SEC23IP: variants seen among roughly 807,000 people sequenced by gnomAD.
SEC23IP encodes the protein SEC23-interacting protein.
SEC23IP carries 70 observed loss-of-function variants against 113.4 expected under a neutral mutation model. The observed-to-expected ratio is 0.62, with a 90% CI of 0.51 to 0.75. SEC23IP has a LOEUF of 0.75. Among genes scored for constraint, SEC23IP ranks in the 30% least tolerant of loss-of-function variants. SEC23IP has a pLI of 0.00. For missense variants in SEC23IP, 1,160 were observed against 1,204.9 expected, an observed-to-expected ratio of 0.96 and a Z score of 0.55; for synonymous variants, 398 against 421.0, an observed-to-expected ratio of 0.95 and a Z score of 0.67.
intron 18 of SEC23IP, 121 bp from the exon 19 acceptor site, chr10:119,940,465 G>C (rs1855929702): frequency 6.6e-6 from 1 of 152,168 alleles, no homozygotes; most frequent in Admixed American, 6.5e-5. Context: ...GAGATTACAG[G>C]CGTGAGACAC....
At chr10:119,912,572 A>C (rs942244207) in intron 6 of SEC23IP, among the ~76,000 whole-genome samples, 1 of 152,082 alleles carries the variant, frequency 6.6e-6, no homozygotes, top group East Asian at 1.9e-4. Context: ...TATCACCTCA[A>C]ACATTCATCA....
At chr10:119,923,489 A>G (rs898345281) in intron 12 of SEC23IP, among the ~76,000 whole-genome samples, 8 of 150,532 alleles carry the variant, frequency 5.3e-5, no homozygotes, top group Non-Finnish European at 8.9e-5. Context: ...AGTAATTTTC[A>G]TTTGAAAAGG....
rs780559466 is a variant in SEC23IP at position 119,902,820 on chromosome 10, C to T, written c.718C>T (p.Pro240Ser). ...LPPVPSSVQS[P>S]AQQQVPARPG... ...CCAGGTTCCTTCTTCAGTGCAGTCA[C>T]CGGCACAGCAGCAGGTACCTGCCAG... The change falls in exon 3 of 19, where the codon CCG becomes TCG. Residue 240 changes from proline (P) to serine (S), a missense_variant. By Grantham distance (74) the Pro-to-Ser change is moderately conservative. Coordinates refer to ENST00000369075, the MANE Select transcript of SEC23IP (RefSeq NM_007190.4). The T allele has an allele frequency of 2.5e-6, 4 of 1,614,150 alleles. No individual in the cohort carries two copies. The Admixed American group carries it at 5.0e-5, about 20-fold the overall frequency.
intron 4 of SEC23IP, among the ~76,000 whole-genome samples, chr10:119,906,839 G>A (rs1854684993): frequency 6.6e-6 from 1 of 152,044 alleles, no homozygotes; most frequent in Non-Finnish European, 1.5e-5. Context: ...GCCTCCCAGA[G>A]TGCTAGGATT....
chr10:119,896,401 C>T (rs1854285791), intron 1 of SEC23IP, among the ~76,000 whole-genome samples: 1 of 152,170 alleles, frequency 6.6e-6, no homozygotes, highest in African/African-American at 2.4e-5. Flanking sequence ...TGGCAAACAT[C>T]TGTGGAGATT....
chr10:119,925,651 C>T (rs1426373396), intron 12 of SEC23IP, among the ~76,000 whole-genome samples: 1 of 152,088 alleles, frequency 6.6e-6, no homozygotes, highest in African/African-American at 2.4e-5. Flanking sequence ...AAGTGATCCT[C>T]CCACCCTAGC....
intron 17 of SEC23IP, 44 bp downstream of exon 17, chr10:119,933,211 G>A (rs1564925859): frequency 6.5e-7 from 1 of 1,528,120 alleles, no homozygotes; most frequent in South Asian, 1.1e-5. Context: ...GGCTTTTGGT[G>A]CTAGCACGTG....
At chr10:119,937,644 AC>A (rs1216980176) in intron 18 of SEC23IP, among the ~76,000 whole-genome samples, 13 of 152,118 alleles carry the variant, frequency 8.5e-5, no homozygotes, top group African/African-American at 2.2e-4. Flanking sequence ...AAACAAAAAA[AC>A]AAAAAACATA....
chr10:119,901,927 TC>T (rs1453062041), intron 2 of SEC23IP, among the ~76,000 whole-genome samples: 1 of 152,194 alleles, frequency 6.6e-6, no homozygotes, highest in South Asian at 2.1e-4. Flanking sequence ...CCTTAGGTGA[TC>T]CACCCACCTC....
intron 12 of SEC23IP, among the ~76,000 whole-genome samples, chr10:119,921,998 C>T (rs1361586714): frequency 6.6e-6 from 1 of 151,970 alleles, no homozygotes; most frequent in Non-Finnish European, 1.5e-5. Context: ...TATTGAATAG[C>T]AGCTACCTCT....
intron 4 of SEC23IP, among the ~76,000 whole-genome samples, chr10:119,905,136 GA>G (rs66718927): frequency 0.058 from 8,118 of 140,272 alleles, 400 homozygotes; most frequent in South Asian, 0.26. Flanking sequence ...CCCTTCCTCA[GA>G]AAAAAAAAAA....
chr10:119,892,755 GACGTGTA>G lies in SEC23IP; in HGVS notation c.-27_-21del, dbSNP rs1451358799. ...AGTGGTGTGGTACCGGGTACCCGGA[GACGTGTA>G]TCGGACGGTGGGCCGCAGCCATGGC... On this transcript the variant is annotated 5_prime_UTR_variant, in exon 1 of 19. Transcript: ENST00000369075. 2 of 1,586,464 alleles carry G rather than the reference GACGTGTA, an allele frequency of 1.3e-6. No individual in the cohort carries two copies. Among genetic ancestry groups the G allele is most frequent in the African/African-American group, 2.7e-5 (2 of 74,512 alleles).
Position 119,919,441 on chromosome 10 carries a change from A to T in SEC23IP, c.1873-3A>T. ...AATGTTTTTCATACTTTTTTTTTTA[A>T]AGATGCCTGAAGAGCCAAAGCTGAC... On this transcript the variant is annotated splice_polypyrimidine_tract_variant and splice_region_variant and intron_variant, in intron 10 of 18. Coordinates refer to ENST00000369075, the MANE Select transcript of SEC23IP (RefSeq NM_007190.4). 6.3e-7 allele frequency: 1 copy of T among 1,579,142 alleles called. No individual in the cohort carries two copies. Among genetic ancestry groups the T allele is most frequent in the Admixed American group, 2.0e-5 (1 of 49,662 alleles).
In SEC23IP at chr10:119,933,060, G is replaced by A. The variant is rs981231560; in HGVS notation, c.2814G>A (p.Lys938=). The A allele has an allele frequency of 6.2e-7, 1 of 1,614,056 alleles. No individual in the cohort carries two copies. The highest frequency in any genetic ancestry group is 1.1e-5 in the South Asian group (1 of 91,078). ...DFSKDEDYLG[K]VGMLNGGRRI... ...CCAAGGATGAGGACTACTTAGGAAA[G>A]GTTGGAATGTTAAATGGAGGCCGCC... The change falls in exon 17 of 19, where the codon AAG becomes AAA. Residue 938 remains lysine (K), a synonymous_variant. Transcript: ENST00000369075.
At chr10:119,935,324 G>C (rs1855739576) in intron 18 of SEC23IP, among the ~76,000 whole-genome samples, 1 of 152,128 alleles carries the variant, frequency 6.6e-6, no homozygotes, top group African/African-American at 2.4e-5. Context: ...AGCCGGGCAT[G>C]GTAGTAGGTG....
At chr10:119,922,044 G>A (rs954693789) in intron 12 of SEC23IP, among the ~76,000 whole-genome samples, 13 of 152,072 alleles carry the variant, frequency 8.5e-5, no homozygotes, top group Admixed American at 3.9e-4. Context: ...CTTGGGAGCC[G>A]GAGATTAACC....
intron 18 of SEC23IP, among the ~76,000 whole-genome samples, chr10:119,934,165 A>T (rs1360825358): frequency 6.6e-6 from 1 of 152,240 alleles, no homozygotes; most frequent in Non-Finnish European, 1.5e-5. Context: ...ACTCCACCAG[A>T]TACCCAGAGT....
In SEC23IP at chr10:119,918,006, A is replaced by C; in HGVS notation, c.1715A>C (p.Asp572Ala). 1 of 1,614,040 alleles carries C rather than the reference A, an allele frequency of 6.2e-7. No homozygotes were observed. The highest frequency in any genetic ancestry group is 1.1e-5 in the South Asian group (1 of 91,078). Residue 572 changes from aspartate (D) to alanine (A), a missense_variant, in exon 9 of 19, where the codon GAC becomes GCC. Transcript: ENST00000369075. Reference protein sequence around the residue: ...LHALFMSRNPDFKGGVSVAGH... With the variant: ...LHALFMSRNPAFKGGVSVAGH... ...GCACTCTTTATGAGTCGGAACCCAG[A>C]CTTCAAAGGAGGTGTCTCTGTTGCT...
Position 119,898,617 on chromosome 10 carries a change from T to A in SEC23IP, c.354T>A (p.Thr118=), listed in dbSNP as rs1854365415. 2 of 1,614,244 alleles carry A rather than the reference T, an allele frequency of 1.2e-6. No homozygotes were observed. Among genetic ancestry groups the A allele is most frequent in the Non-Finnish European group, 8.5e-7 (1 of 1,180,050 alleles). The change falls in exon 2 of 19, where the codon ACT becomes ACA. Residue 118 remains threonine (T), a synonymous_variant. Coordinates refer to ENST00000369075, the MANE Select transcript of SEC23IP (RefSeq NM_007190.4). The part of the protein sequence containing the change: ...VGQSGFPKPL[T]ALPFTTGSQD... ...AATCAGGATTCCCCAAGCCCCTGAC[T>A]GCTCTCCCTTTTACAACTGGATCCC...
Sources: allele counts gnomAD v4.1 joint callset (sites outside exome capture counted in the v4.1 genomes callset), GRCh38; gene constraint gnomAD v4.1.1; transcripts MANE v1.5; gene names NCBI Gene and HGNC (gene_info 2026-07-23, HGNC 2026-07-21).